MLLT3: variants seen among roughly 807,000 people sequenced by gnomAD.
MLLT3 encodes MLLT3 super elongation complex subunit.
A neutral mutation model predicts 53.2 loss-of-function variants in MLLT3; 4 were observed. The ratio of observed to expected loss-of-function variants is 0.08; its 90% CI spans 0.04 to 0.17. The LOEUF (loss-of-function observed/expected upper bound fraction) is 0.17. MLLT3 is among the 10% of genes least tolerant of loss of function. The pLI is 1.00. For missense variants in MLLT3, 569 were observed against 684.0 expected (o/e 0.83, Z 1.87); for synonymous variants, 283 against 230.6 (o/e 1.23, Z -2.06).
chr9:20,358,795 G>A (rs1057229275), intron 8 of MLLT3, among the ~76,000 whole-genome samples: 21 of 152,122 alleles, frequency 1.4e-4, no homozygotes, highest in African/African-American at 3.6e-4. Context: ...TGCCCATGAC[G>A]TATTGTAGCT....
intron 2 of MLLT3, among the ~76,000 whole-genome samples, chr9:20,575,187 C>G (rs955233524): frequency 6.6e-6 from 1 of 152,186 alleles, no homozygotes; most frequent in Non-Finnish European, 1.5e-5. Flanking sequence ...AAAAATTCTT[C>G]CAAACTCCTA....
chr9:20,565,464 A>T (rs1819329354), intron 2 of MLLT3, among the ~76,000 whole-genome samples: 1 of 152,036 alleles, frequency 6.6e-6, no homozygotes, highest in Non-Finnish European at 1.5e-5. Context: ...CTAATTGTTC[A>T]CTTTCTTTAT....
At chr9:20,409,017 A>C (rs1487058471) in intron 5 of MLLT3, among the ~76,000 whole-genome samples, 1 of 152,170 alleles carries the variant, frequency 6.6e-6, no homozygotes, top group Non-Finnish European at 1.5e-5. Context: ...GGTTTTCTCC[A>C]AGAAAACCCC....
chr9:20,468,872 T>TAACATCTGCTGCTA (rs1554686695), intron 2 of MLLT3, among the ~76,000 whole-genome samples: 1 of 152,218 alleles, frequency 6.6e-6, no homozygotes, highest in Non-Finnish European at 1.5e-5. Flanking sequence ...CATCTGCTGT[T>TAACATCTGCTGCTA]AACACGATCA....
Position 20,414,081 on chromosome 9 carries a change from T to C in MLLT3, c.765A>G (p.Glu255=). ...TTGGCTCTTTTGACATGGGTTTAGG[T>C]TCCTTGAAGGCCATCTTAGGAACTA... ...EKIVPKMAFK[E]PKPMSKEPKP... The change falls in exon 5 of 11, where the codon GAA becomes GAG. Residue 255 remains glutamate, a synonymous_variant. Coordinates refer to ENST00000380338, the MANE Select transcript of MLLT3 (RefSeq NM_004529.4). The C allele has an allele frequency of 6.2e-7, 1 of 1,613,850 alleles. No homozygotes were observed. Among genetic ancestry groups the C allele is most frequent in the African/African-American group, 1.3e-5 (1 of 74,966 alleles).
chr9:20,511,665 C>A (rs559833884), intron 2 of MLLT3, among the ~76,000 whole-genome samples: 23 of 152,274 alleles, frequency 1.5e-4, no homozygotes, highest in Middle Eastern at 3.4e-3. Context: ...AGCCTCACAA[C>A]ATAGTCCCTA....
chr9:20,509,739 C>T (rs1337465820), intron 2 of MLLT3, among the ~76,000 whole-genome samples: 3 of 152,186 alleles, frequency 2.0e-5, no homozygotes, highest in African/African-American at 7.2e-5. Flanking sequence ...CTTTGTCTTA[C>T]ACATAGCCTT....
chr9:20,489,102 C>A (rs1824883118), intron 2 of MLLT3, among the ~76,000 whole-genome samples: 1 of 152,118 alleles, frequency 6.6e-6, no homozygotes, highest in Non-Finnish European at 1.5e-5. Context: ...ACAAAGTGAA[C>A]ACTATTCCAC....
At chr9:20,350,487 T>C (rs369534599) in intron 10 of MLLT3, among the ~76,000 whole-genome samples, 46 of 149,300 alleles carry the variant, frequency 3.1e-4, no homozygotes, top group Middle Eastern at 3.4e-3. Flanking sequence ...CCCAGCTACT[T>C]GGGAGGCTGA....
intron 5 of MLLT3, among the ~76,000 whole-genome samples, chr9:20,402,984 A>T (rs777349558): frequency 6.6e-6 from 1 of 152,278 alleles, no homozygotes; most frequent in African/African-American, 2.4e-5. Context: ...GTAACAACTC[A>T]CTAGGAACCA....
intron 2 of MLLT3, among the ~76,000 whole-genome samples, chr9:20,541,628 T>G (rs775857577): frequency 1.8e-4 from 27 of 152,136 alleles, no homozygotes; most frequent in Non-Finnish European, 3.8e-4. Flanking sequence ...CATGATCCAA[T>G]CAACACCCAC....
intron 2 of MLLT3, among the ~76,000 whole-genome samples, chr9:20,524,553 T>A (rs1818150892): frequency 6.6e-6 from 1 of 152,084 alleles, no homozygotes; most frequent in South Asian, 2.1e-4. Flanking sequence ...GCTCTCGGGC[T>A]CTCATTGTGT....
At chr9:20,507,564 G>A (rs1023936254) in intron 2 of MLLT3, among the ~76,000 whole-genome samples, 3 of 151,974 alleles carry the variant, frequency 2.0e-5, no homozygotes, top group Non-Finnish European at 4.4e-5. Context: ...GTCTAACAAA[G>A]TAATCAAAAC....
chr9:20,555,073 A>C (rs1306413308), intron 2 of MLLT3, among the ~76,000 whole-genome samples: 1 of 152,198 alleles, frequency 6.6e-6, no homozygotes, highest in African/African-American at 2.4e-5. Context: ...TGTTTCGTGA[A>C]GCTAAACAAA....
chr9:20,604,666 G>A (rs1320881899), intron 2 of MLLT3, among the ~76,000 whole-genome samples: 1 of 152,014 alleles, frequency 6.6e-6, no homozygotes, highest in African/African-American at 2.4e-5. Flanking sequence ...ATTTTGTGAG[G>A]CCACTGGCAA....
At chr9:20,520,906 A>G (rs1818040468) in intron 2 of MLLT3, among the ~76,000 whole-genome samples, 1 of 152,222 alleles carries the variant, frequency 6.6e-6, no homozygotes, top group Non-Finnish European at 1.5e-5. Context: ...AGGGAAGACT[A>G]AGAGTGGGAG....
At chr9:20,540,686 C>T (rs529811454) in intron 2 of MLLT3, among the ~76,000 whole-genome samples, 1 of 152,370 alleles carries the variant, frequency 6.6e-6, no homozygotes, top group African/African-American at 2.4e-5. Flanking sequence ...CCTAGGCCTC[C>T]AGGCCAGTGA....
chr9:20,560,350 C>T (rs991687419), intron 2 of MLLT3, among the ~76,000 whole-genome samples: 7 of 152,118 alleles, frequency 4.6e-5, no homozygotes, highest in Non-Finnish European at 7.4e-5. Flanking sequence ...ATGATGTATA[C>T]GAAAATTAGC....
At chr9:20,462,610 T>G (rs1824138216) in intron 2 of MLLT3, among the ~76,000 whole-genome samples, 1 of 152,130 alleles carries the variant, frequency 6.6e-6, no homozygotes. Flanking sequence ...GAGAGCCTTC[T>G]GCCAATACTC....
Sources: allele counts gnomAD v4.1 joint callset (sites outside exome capture counted in the v4.1 genomes callset), GRCh38; gene constraint gnomAD v4.1.1; transcripts MANE v1.5; gene names NCBI Gene and HGNC (gene_info 2026-07-23, HGNC 2026-07-21).